The following TUBGCP5 variants were observed in gnomAD, a reference collection of about 807,000 sequenced individuals.
The protein encoded by TUBGCP5 is tubulin gamma complex component 5.
Under a neutral mutation model 134.7 loss-of-function variants are expected in TUBGCP5, and 98 were observed. The observed-to-expected ratio is 0.73, with a 90% CI of 0.62 to 0.86. The LOEUF (loss-of-function observed/expected upper bound fraction) is 0.86, where lower values mean the gene tolerates loss of function less well. Among genes scored for constraint, TUBGCP5 ranks in the 40% least tolerant of loss-of-function variants. The pLI is 0.00. For missense variants in TUBGCP5, 1,150 were observed against 1,244.8 expected, an observed-to-expected ratio of 0.92 and a Z score of 1.15; for synonymous variants, 456 against 431.4, an observed-to-expected ratio of 1.06 and a Z score of -0.71.
intron 21 of TUBGCP5, among the ~76,000 whole-genome samples, chr15:23,002,802 G>C (rs567401594): frequency 1.3e-5 from 2 of 151,690 alleles, no homozygotes; most frequent in African/African-American, 4.8e-5. Context: ...TATAACATGA[G>C]TATAATCTAA....
intron 14 of TUBGCP5, among the ~76,000 whole-genome samples, chr15:23,010,647 C>A (rs77473134): frequency 6.6e-6 from 1 of 152,032 alleles, no homozygotes; most frequent in Non-Finnish European, 1.5e-5. Flanking sequence ...AAACTATACA[C>A]CTGAAGTAGG....
At position 22,999,648 on chromosome 15, in the gene TUBGCP5, G is replaced by A. The variant is rs549902012; in HGVS notation, c.*172C>T. Reference sequence around the variant, plus strand: ...ACTCCTGGGCTCAAGTGATCTGCCTGTCTTGGCCTCCCATCGTGCTGGGAT... The same window carrying A: ...ACTCCTGGGCTCAAGTGATCTGCCTATCTTGGCCTCCCATCGTGCTGGGAT... On this transcript the variant is annotated 3_prime_UTR_variant, in exon 23 of 23. Transcript: ENST00000615383. 5 of 672,544 alleles carry A rather than the reference G, an allele frequency of 7.4e-6. 1 individual carries two copies. The highest frequency in any genetic ancestry group is 5.6e-5 in the South Asian group (3 of 53,826). 41.7% of individuals were successfully genotyped at this position (672,544 alleles called of 1,614,324 possible). A position where few individuals can be genotyped will look rare whatever the true frequency, so the allele number is the denominator to read the frequency against.
At chr15:22,985,554 C>CA (rs2063653511) in intron 23 of TUBGCP5, among the ~76,000 whole-genome samples, 1 of 151,916 alleles carries the variant, frequency 6.6e-6, no homozygotes, top group African/African-American at 2.4e-5. Context: ...TTTATAATCG[C>CA]AAAAAACTAG....
At chr15:23,008,641 T>A in intron 16 of TUBGCP5, 58 bp downstream of exon 16, 1 of 1,534,798 alleles carries the variant, frequency 6.5e-7, no homozygotes, top group Non-Finnish European at 9.0e-7. Context: ...CATAGAAGAC[T>A]TACTGGCACA....
chr15:23,029,232 T>C lies in TUBGCP5; in HGVS notation c.622+1653A>G, dbSNP rs1185604678. ...GCTGGATTATTTTTTATTTATTTAT[T>C]TTTTTTGAGATAAAGTTTTGCTCTT... On this transcript the variant is annotated intron_variant, in intron 6 of 22. Transcript: ENST00000615383. Among the ~76,000 whole-genome samples the C allele has an allele frequency of 2.0e-5, 3 of 152,134 alleles. No homozygotes were observed. In the East Asian group the frequency reaches 5.8e-4, roughly 29 times the overall value.
chr15:23,036,871 T>G, intron 3 of TUBGCP5, 26 bp downstream of exon 3: 1 of 1,377,512 alleles, frequency 7.3e-7, no homozygotes, highest in Non-Finnish European at 1.0e-6. Flanking sequence ...AAATACACAG[T>G]GGAGATCTCA....
intron 23 of TUBGCP5, among the ~76,000 whole-genome samples, chr15:22,988,444 G>A (rs73411378): frequency 6.6e-6 from 1 of 151,560 alleles, no homozygotes; most frequent in Non-Finnish European, 1.5e-5. Flanking sequence ...TTAATATCTG[G>A]TTTTTTTGGC....
At position 23,004,177 on chromosome 15, in the gene TUBGCP5, C is replaced by G; in HGVS notation, c.2763G>C (p.Lys921Asn). Residue 921 changes from lysine (K) to asparagine (N), a missense_variant, in exon 20 of 23, where the codon AAG (lysine) becomes AAC (asparagine). By Grantham distance (94) the Lys-to-Asn change is moderately conservative. Around this residue, in one of 2 missense-constraint regions of TUBGCP5, gnomAD observed 697 missense variants for 850.1 expected, o/e 0.82. Coordinates refer to ENST00000615383, the MANE Select transcript of TUBGCP5 (RefSeq NM_052903.6). ...LEFQHQVEEA[K>N]DLDQLIKIHY... ...GAATTTTAATCAATTGATCTAAATC[C>G]TTGGCTTCCTCGACTTGATGTTGAA... is the stretch of plus-strand genomic sequence containing the variant. 6.2e-7 allele frequency: 1 copy of G among 1,613,396 alleles called. No individual in the cohort carries two copies. The highest frequency in any genetic ancestry group is 8.5e-7 in the Non-Finnish European group (1 of 1,179,788).
intron 3 of TUBGCP5, among the ~76,000 whole-genome samples, chr15:23,035,539 G>A (rs1420299750): frequency 6.6e-6 from 1 of 152,048 alleles, no homozygotes; most frequent in East Asian, 1.9e-4. Context: ...CAAATGTGCA[G>A]TTCACAATGG....
chr15:23,039,083 C>G (rs1173704404), intron 1 of TUBGCP5, among the ~76,000 whole-genome samples: 1 of 152,054 alleles, frequency 6.6e-6, no homozygotes. Context: ...CCAAGCTGGC[C>G]TGGAGTCCCG....
intron 16 of TUBGCP5, chr15:23,008,443 G>C: frequency 2.2e-6 from 1 of 446,350 alleles, no homozygotes; most frequent in Non-Finnish European, 4.0e-6. Context: ...ATTTTTAGTA[G>C]AGACAGAGTT....
chr15:23,023,173 A>T (rs189399317), intron 10 of TUBGCP5: 1 of 152,212 alleles, frequency 6.6e-6, no homozygotes, highest in Admixed American at 6.5e-5. Context: ...CTCTATTGAA[A>T]ATACAAAAAT....
At chr15:23,010,279 C>G (rs761838415) in intron 14 of TUBGCP5, 146 bp from the exon 15 acceptor site, 46 of 949,226 alleles carry the variant, frequency 4.8e-5, no homozygotes, top group Non-Finnish European at 6.9e-5. Context: ...CCAAAAATAT[C>G]CTTTGAGTGA....
intron 10 of TUBGCP5, 130 bp from the exon 11 acceptor site, chr15:23,022,291 C>T (rs1401229164): frequency 1.1e-6 from 1 of 883,900 alleles, no homozygotes; most frequent in Non-Finnish European, 1.8e-6. Flanking sequence ...ATTTTAATCT[C>T]ATACCACAAG....
chr15:23,007,167 T>C (rs746031090), intron 16 of TUBGCP5, among the ~76,000 whole-genome samples: 5 of 152,118 alleles, frequency 3.3e-5, no homozygotes, highest in Non-Finnish European at 5.9e-5. Context: ...CCCAGCACTT[T>C]GGCATCCTCG....
chr15:22,988,550 A>G (rs56747278), intron 23 of TUBGCP5, among the ~76,000 whole-genome samples: 11,558 of 151,080 alleles, frequency 0.077, 615 homozygotes, highest in East Asian at 0.24. Context: ...TGGCTAACAC[A>G]GTGAAACCCC....
At position 23,006,259 on chromosome 15, in the gene TUBGCP5, A is replaced by G; in HGVS notation, c.2412+9T>C. Reference sequence around the variant, plus strand: ...AAACACGGTTCATACAAGGAATATCAGCATATACCTTGTAGCTGAGGGTCA... The same window carrying G: ...AAACACGGTTCATACAAGGAATATCGGCATATACCTTGTAGCTGAGGGTCA... On this transcript the variant is annotated intron_variant, in intron 17 of 22. Coordinates refer to ENST00000615383, the MANE Select transcript of TUBGCP5 (RefSeq NM_052903.6). 1 of 1,605,934 alleles carries G rather than the reference A, an allele frequency of 6.2e-7. No individual in the cohort carries two copies. Among genetic ancestry groups the G allele is most frequent in the Non-Finnish European group, 8.5e-7 (1 of 1,176,440 alleles).
chr15:22,990,158 G>A (rs375745528), intron 23 of TUBGCP5, among the ~76,000 whole-genome samples: 61 of 152,174 alleles, frequency 4.0e-4, no homozygotes, highest in Admixed American at 4.6e-4. Flanking sequence ...GGGACATCCC[G>A]AGAGGTGGGG....
At chr15:23,000,719 G>C in intron 21 of TUBGCP5, 50 bp from the exon 22 acceptor site, 1 of 1,387,292 alleles carries the variant, frequency 7.2e-7, no homozygotes, top group Non-Finnish European at 9.9e-7. Flanking sequence ...CGGGTATATA[G>C]GTAGGCTTCA....
Sources: gnomAD v4.1 joint callset for allele counts (sites outside exome capture counted in the v4.1 genomes callset) on GRCh38, gnomAD v4.1.1 for gene constraint, gnomAD v4.1.1 regional missense constraint, MANE v1.5 for transcripts, NCBI Gene and HGNC (gene_info 2026-07-23, HGNC 2026-07-21) for gene names.